NBAS: variants seen among roughly 807,000 people sequenced by gnomAD.
NBAS encodes NBAS subunit of NRZ tethering complex, also known as NAG/BC035112 fusion.
A neutral mutation model predicts 302.5 loss-of-function variants in NBAS; 219 were observed. The observed-to-expected ratio is 0.72, with a 90% CI of 0.65 to 0.81. NBAS has a LOEUF of 0.81. Among genes scored for constraint, NBAS ranks in the 30% least tolerant of loss-of-function variants. The pLI is 0.00. For synonymous variants in NBAS, 1,118 were observed against 1,021.6 expected, an observed-to-expected ratio of 1.09 and a Z score of -1.80; for missense variants, 2,932 against 2,841.6, an observed-to-expected ratio of 1.03 and a Z score of -0.72.
chr2:15,532,488 C>CAAAAAAAAAAAAAAA (rs896529713), intron 9 of NBAS, among the ~76,000 whole-genome samples: 2 of 47,802 alleles, frequency 4.2e-5, no homozygotes, highest in Admixed American at 2.2e-4. Context: ...GACTCCATCT[C>CAAAAAAAAAAAAAAA]AAAAAAAAAA....
chr2:15,387,449 A>T (rs1304773753), intron 28 of NBAS, among the ~76,000 whole-genome samples: 2 of 152,182 alleles, frequency 1.3e-5, no homozygotes, highest in Admixed American at 1.3e-4. Flanking sequence ...ATTTCATTAG[A>T]TGTTCTACTT....
At chr2:15,099,729 G>A in the NBAS span, among the ~76,000 whole-genome samples, 2 of 151,864 alleles carry the variant, frequency 1.3e-5, no homozygotes, top group Admixed American at 6.6e-5. Flanking sequence ...CTTGACCACC[G>A]AGTCCATAGA....
rs541181247 is a variant in NBAS, at chr2:15,402,337, C to T, written c.2938-36G>A. ...TAAAGTATGTTGTACTAAATGTCAA[C>T]AGATTTATAGTCAATTTTTCCATAT... On this transcript the variant is annotated intron_variant, in intron 25 of 51. Coordinates refer to ENST00000281513, the MANE Select transcript of NBAS (RefSeq NM_015909.4). The T allele has an allele frequency of 8.7e-6, 14 of 1,608,808 alleles. No individual in the cohort carries two copies. The African/African-American group carries it at 1.7e-4, about 20-fold the overall frequency.
chr2:15,402,313 A>C lies in NBAS; in HGVS notation c.2938-12T>G. On this transcript the variant is annotated splice_polypyrimidine_tract_variant and intron_variant, in intron 25 of 51. Coordinates refer to ENST00000281513, the MANE Select transcript of NBAS (RefSeq NM_015909.4). Reference sequence around the variant, plus strand: ...ATTTTTTGCTGCAGCTACAGAAAATAAAGTATGTTGTACTAAATGTCAACA... The same window carrying C: ...ATTTTTTGCTGCAGCTACAGAAAATCAAGTATGTTGTACTAAATGTCAACA... The C allele has an allele frequency of 6.2e-7, 1 of 1,613,198 alleles. No homozygotes were observed. Among genetic ancestry groups the C allele is most frequent in the South Asian group, 1.1e-5 (1 of 91,052 alleles).
intron 44 of NBAS, among the ~76,000 whole-genome samples, chr2:15,245,029 GGGA>G (rs1668027937): frequency 6.6e-6 from 1 of 152,080 alleles, no homozygotes; most frequent in Non-Finnish European, 1.5e-5. Flanking sequence ...CGGGCCCTGA[GGGA>G]GGCGTCTGTT....
At chr2:15,506,920 T>A (rs1409222083) in intron 10 of NBAS, among the ~76,000 whole-genome samples, 1 of 152,124 alleles carries the variant, frequency 6.6e-6, no homozygotes, top group African/African-American at 2.4e-5. Flanking sequence ...ATAAGAATAG[T>A]TTCTGTGAAA....
chr2:15,381,756 T>C (rs1464046911), intron 29 of NBAS, among the ~76,000 whole-genome samples: 2 of 152,216 alleles, frequency 1.3e-5, no homozygotes, highest in Admixed American at 6.5e-5. Context: ...GGCAGTTGTA[T>C]GTGGTCAGAG....
chr2:15,119,048 G>A, the NBAS span, among the ~76,000 whole-genome samples: 11 of 152,230 alleles, frequency 7.2e-5, no homozygotes, highest in South Asian at 2.1e-4. Context: ...AGGGGTGGGC[G>A]TCAGACAGAC....
intron 44 of NBAS, among the ~76,000 whole-genome samples, chr2:15,259,991 G>A (rs540081672): frequency 6.6e-6 from 1 of 152,210 alleles, no homozygotes; most frequent in Non-Finnish European, 1.5e-5. Context: ...ATGGTTTGAG[G>A]AAAAGGAAAG....
At chr2:15,404,755 C>T (rs1217931519) in intron 25 of NBAS, among the ~76,000 whole-genome samples, 1 of 152,056 alleles carries the variant, frequency 6.6e-6, no homozygotes, top group African/African-American at 2.4e-5. Flanking sequence ...TAAGGTGATT[C>T]ACCCACCTCA....
At chr2:15,221,662 C>T (rs1271413463) in intron 47 of NBAS, among the ~76,000 whole-genome samples, 1 of 152,132 alleles carries the variant, frequency 6.6e-6, no homozygotes, top group African/African-American at 2.4e-5. Context: ...AACAGGATCA[C>T]AGAGGATAAT....
chr2:15,177,878 G>A (rs1052371535), intron 51 of NBAS: 11 of 286,846 alleles, frequency 3.8e-5, no homozygotes. Context: ...TGGTGATCAG[G>A]TACGGTATTC....
At chr2:15,181,177 C>G (rs1664801057) in intron 50 of NBAS, among the ~76,000 whole-genome samples, 1 of 152,164 alleles carries the variant, frequency 6.6e-6, no homozygotes, top group African/African-American at 2.4e-5. Context: ...TTTGCTCACT[C>G]AAAAAGTTAT....
intron 9 of NBAS, among the ~76,000 whole-genome samples, chr2:15,512,906 A>T (rs1056629483): frequency 2.0e-5 from 3 of 152,116 alleles, no homozygotes; most frequent in African/African-American, 7.2e-5. Flanking sequence ...TTTCTTTCCC[A>T]GTCCCAAAAC....
chr2:15,461,117 T>C, intron 21 of NBAS, 84 bp downstream of exon 21: 1 of 1,232,272 alleles, frequency 8.1e-7, no homozygotes, highest in Non-Finnish European at 1.1e-6. Context: ...TAAAATTATT[T>C]TTTTTAACTT....
Position 15,561,196 on chromosome 2 carries a change from C to T in NBAS, c.109G>A (p.Glu37Lys). 6.2e-7 allele frequency: 1 copy of T among 1,613,756 alleles called. No individual in the cohort carries two copies. The highest frequency in any genetic ancestry group is 8.5e-7 in the Non-Finnish European group (1 of 1,179,926). ...AGATGGGCCTGGTTCACCTGTACTT[C>T]AGTCTCCGGTGGCCACTCGGTGTTG... The part of the protein sequence containing the change: ...LVNTEWPPET[E>K]VQPRGNQKHG... The change falls in exon 1 of 52, where the codon GAA becomes AAA. Residue 37 changes from glutamate to lysine, a missense_variant. Transcript: ENST00000281513.
chr2:15,043,283 C>G, the NBAS span, among the ~76,000 whole-genome samples: 3 of 152,252 alleles, frequency 2.0e-5, no homozygotes, highest in East Asian at 5.8e-4. Flanking sequence ...GCGTCTTGGA[C>G]CCCTGCACGT....
chr2:15,341,044 A>C lies in NBAS; in HGVS notation c.4180-10279T>G, dbSNP rs544510766. Among the ~76,000 whole-genome samples the C allele has an allele frequency of 7.2e-5, 11 of 152,282 alleles. 1 individual carries two copies. The South Asian group carries it at 1.5e-3, about 20-fold the overall frequency. ...TAGGGAACATCTATCAGAGTGGTAC[A>C]TTTTAGACCCTACAGGGCTAAATAA... On this transcript the variant is annotated intron_variant, in intron 35 of 51. Transcript: ENST00000281513.
chr2:14,856,949 G>C, the NBAS span, among the ~76,000 whole-genome samples: 1 of 152,128 alleles, frequency 6.6e-6, no homozygotes, highest in Non-Finnish European at 1.5e-5. Context: ...AGAAAACTAT[G>C]AGAAATAAGC....
Sources: allele counts gnomAD v4.1 joint callset (sites outside exome capture counted in the v4.1 genomes callset), GRCh38; gene constraint gnomAD v4.1.1; transcripts MANE v1.5; gene names NCBI Gene and HGNC (gene_info 2026-07-23, HGNC 2026-07-21).